Variants in MTRR observed in about 807,000 individuals in gnomAD.
The protein encoded by MTRR is 5-methyltetrahydrofolate-homocysteine methyltransferase reductase.
A neutral mutation model predicts 79.2 loss-of-function variants in MTRR; 63 were observed. The observed-to-expected ratio is 0.80, with a 90% CI of 0.65 to 0.98. MTRR has a LOEUF of 0.98. MTRR is among the 50% of genes least tolerant of loss of function. The probability of loss-of-function intolerance (pLI) is 0.00; values close to 1 mark genes in which losing one functional copy is unlikely to be tolerated. For missense variants in MTRR, 895 were observed against 839.6 expected (o/e 1.07, Z -0.82); for synonymous variants, 355 against 313.3 (o/e 1.13, Z -1.41).
At chr5:7,867,229 T>C (rs745657860), upstream of MTRR, 11 of 1,613,952 alleles carry the variant, frequency 6.8e-6, no homozygotes, top group African/African-American at 2.7e-5. Context: ...AAACTATTGA[T>C]AGGGAAAAGT....
At chr5:7,863,280 G>A in intron 2 of MTRR, 1 of 363,626 alleles carries the variant, frequency 2.8e-6, no homozygotes, top group Non-Finnish European at 5.0e-6. Context: ...AAGGAGTGAG[G>A]AGAGAGTGAG....
At chr5:7,864,908 T>C (rs891620580), upstream of MTRR, among the ~76,000 whole-genome samples, 3 of 152,094 alleles carry the variant, frequency 2.0e-5, no homozygotes, top group African/African-American at 7.3e-5. Flanking sequence ...GGCTCTAGTA[T>C]GACAGGATTT....
chr5:7,893,530 C>T (rs1737998288), intron 11 of MTRR: 1 of 153,234 alleles, frequency 6.5e-6, no homozygotes, highest in African/African-American at 2.4e-5. Flanking sequence ...TACACTTGGA[C>T]TCAGTGACAT....
chr5:7,898,964 C>T (rs1433557244), intron 14 of MTRR, among the ~76,000 whole-genome samples: 4 of 152,060 alleles, frequency 2.6e-5, no homozygotes, highest in Non-Finnish European at 2.9e-5. Flanking sequence ...AACATGGTGC[C>T]GGCACCTGCT....
Position 7,892,504 on chromosome 5 carries a change from A to T in MTRR, c.1371-223A>T, listed in dbSNP as rs992294437. 5.3e-5 allele frequency among the ~76,000 whole-genome samples: 8 copies of T among 152,336 alleles called. No homozygotes were observed. In the East Asian group the frequency reaches 1.5e-3, roughly 29 times the overall value. Reference sequence around the variant, plus strand: ...AATATCATCTAGTCCTAGTGCAAGCAAATAAAATTGGAAACTTTCTTGAAT... The same window carrying T: ...AATATCATCTAGTCCTAGTGCAAGCTAATAAAATTGGAAACTTTCTTGAAT... On this transcript the variant is annotated intron_variant, in intron 10 of 14. Transcript: ENST00000440940.
chr5:7,891,171 T>C (rs138123724), intron 9 of MTRR, among the ~76,000 whole-genome samples: 61 of 152,274 alleles, frequency 4.0e-4, no homozygotes, highest in African/African-American at 1.4e-3. Flanking sequence ...TCTTATCTGG[T>C]TTTTAACTTT....
At chr5:7,884,947 A>AT (rs1736173416) in intron 6 of MTRR, among the ~76,000 whole-genome samples, 1 of 152,162 alleles carries the variant, frequency 6.6e-6, no homozygotes, top group South Asian at 2.1e-4. Flanking sequence ...ACACCAAAAT[A>AT]TTTTTTATTC....
At chr5:7,891,513 C>A in intron 10 of MTRR, 99 bp downstream of exon 10, 1 of 996,102 alleles carries the variant, frequency 1.0e-6, no homozygotes, top group Non-Finnish European at 1.6e-6. Context: ...TCAGTGAAAA[C>A]TTACCTGCTT....
rs1739304380 is a variant in MTRR, at chr5:7,900,479, A to T, written c.*421A>T. The stretch of plus-strand genomic sequence containing the variant: ...AAAAGTATGAAAATGATTTATTTTT[A>T]TATGATGTATACCCATAAAGAATGC... On this transcript the variant is annotated 3_prime_UTR_variant, in exon 15 of 15. Coordinates refer to ENST00000440940, the MANE Select transcript of MTRR (RefSeq NM_002454.3). 1.9e-5 allele frequency: 4 copies of T among 213,080 alleles called. No individual in the cohort carries two copies. The allele number at this position is 213,080 out of a possible 1,614,324, so 13.2% of individuals were successfully genotyped here. A position where few individuals can be genotyped will look rare whatever the true frequency, so the allele number is the denominator to read the frequency against.
intron 2 of MTRR, chr5:7,863,128 G>A: frequency 1.3e-6 from 1 of 758,888 alleles, no homozygotes; most frequent in African/African-American, 1.8e-5. Flanking sequence ...CCAGGAATTG[G>A]GACAGGCATC....
At chr5:7,852,096 G>A (rs781198768) in intron 1 of MTRR, among the ~76,000 whole-genome samples, 4 of 152,174 alleles carry the variant, frequency 2.6e-5, no homozygotes, top group Non-Finnish European at 5.9e-5. Context: ...GGGTGGTGTG[G>A]CCTCATGAAG....
chr5:7,874,587 GCTT>G (rs1748546497), intron 3 of MTRR, among the ~76,000 whole-genome samples: 1 of 73,926 alleles, frequency 1.4e-5, no homozygotes, highest in South Asian at 4.9e-4. Flanking sequence ...AGGGATTTAA[GCTT>G]TTTTTTTTTT....
chr5:7,874,166 A>G (rs1748469872), intron 3 of MTRR, among the ~76,000 whole-genome samples: 1 of 152,206 alleles, frequency 6.6e-6, no homozygotes, highest in African/African-American at 2.4e-5. Flanking sequence ...TAAAGGATCA[A>G]AAGAACCAGA....
intron 11 of MTRR, 105 bp downstream of exon 11, chr5:7,893,018 A>G: frequency 1.5e-6 from 2 of 1,301,768 alleles, no homozygotes; most frequent in Non-Finnish European, 1.1e-6. Flanking sequence ...GTCATAAGAA[A>G]ATTTATGCTG....
intron 10 of MTRR, among the ~76,000 whole-genome samples, chr5:7,892,479 AAT>A (rs1737768815): frequency 6.6e-6 from 1 of 152,168 alleles, no homozygotes; most frequent in South Asian, 2.1e-4. Context: ...AGATTTTATA[AAT>A]ATCATCTAGT....
At chr5:7,870,978 G>A in intron 2 of MTRR, 55 bp downstream of exon 2, 1 of 1,608,488 alleles carries the variant, frequency 6.2e-7, no homozygotes, top group East Asian at 2.2e-5. Flanking sequence ...ATTTTGGTTG[G>A]GAAGTGATAT....
rs6868871 is a variant in MTRR at position 7,895,938 on chromosome 5, T to C, written c.1676+86T>C. 0.02 allele frequency: 30,180 copies of C among 1,524,782 alleles called. 345 individuals carry two copies. Among genetic ancestry groups the C allele is most frequent in the Non-Finnish European group, 0.024 (26,749 of 1,122,060 alleles). 94.5% of individuals were successfully genotyped at this position (1,524,782 alleles called of 1,614,324 possible). On this transcript the variant is annotated intron_variant, in intron 12 of 14. Transcript: ENST00000440940. The stretch of plus-strand genomic sequence containing the variant: ...AGTCATTTTGAGGATAATTGGACTT[T>C]GTAAAATTTTTATTTAAAAAATTAT...
At chr5:7,896,150 T>TA (rs1409932701) in intron 12 of MTRR, among the ~76,000 whole-genome samples, 3 of 152,244 alleles carry the variant, frequency 2.0e-5, no homozygotes, top group African/African-American at 7.2e-5. Flanking sequence ...ACTGTGATGA[T>TA]ATACAGCTGT....
chr5:7,876,257 T>C (rs1734545437), intron 4 of MTRR, among the ~76,000 whole-genome samples: 2 of 152,334 alleles, frequency 1.3e-5, no homozygotes, highest in Middle Eastern at 3.4e-3. Context: ...AGCACACATA[T>C]TCTTCCTGAT....
Sources: allele counts gnomAD v4.1 joint callset (sites outside exome capture counted in the v4.1 genomes callset), GRCh38; gene constraint gnomAD v4.1.1; transcripts MANE v1.5; gene names NCBI Gene and HGNC (gene_info 2026-07-23, HGNC 2026-07-21).